The following TUSC3 variants were observed in gnomAD, a reference collection of about 807,000 sequenced individuals.
TUSC3 encodes dolichyl-diphosphooligosaccharide--protein glycosyltransferase subunit TUSC3.
TUSC3 carries 45 observed loss-of-function variants against 44.8 expected under a neutral mutation model. That is an observed-to-expected ratio of 1.00 (90% CI 0.79 to 1.29). The LOEUF is 1.29. TUSC3 is among the 50% of genes most tolerant of loss of function. The probability of loss-of-function intolerance (pLI) is 0.00; values close to 1 mark genes in which losing one functional copy is unlikely to be tolerated. For synonymous variants in TUSC3, 212 were observed against 152.9 expected, an observed-to-expected ratio of 1.39 and a Z score of -2.85; for missense variants, 519 against 437.9, an observed-to-expected ratio of 1.19 and a Z score of -1.65.
chr8:15,421,329 T>G (rs1048541200), intron 1 of TUSC3, among the ~76,000 whole-genome samples: 1 of 152,116 alleles, frequency 6.6e-6, no homozygotes, highest in Non-Finnish European at 1.5e-5. Context: ...TTTCTACTAC[T>G]CTGAATTTAT....
At chr8:15,828,304 T>G in the TUSC3 span, among the ~76,000 whole-genome samples, 1 of 152,204 alleles carries the variant, frequency 6.6e-6, no homozygotes, top group Non-Finnish European at 1.5e-5. Context: ...CAATATAATT[T>G]TTTTAATCTA....
At chr8:15,668,632 T>C (rs539395013) in intron 5 of TUSC3, among the ~76,000 whole-genome samples, 3 of 151,872 alleles carry the variant, frequency 2.0e-5, no homozygotes, top group Non-Finnish European at 4.4e-5. Flanking sequence ...AAGATGGTAT[T>C]ATTTGTGACT....
rs968318293 is a variant in TUSC3 at position 15,719,821 on chromosome 8, C to T, written c.799-10845C>T. Among the ~76,000 whole-genome samples, 4 of 152,038 alleles carry T rather than the reference C, an allele frequency of 2.6e-5. 1 individual carries two copies. Among genetic ancestry groups the T allele is most frequent in the African/African-American group, 7.2e-5 (3 of 41,406 alleles). On this transcript the variant is annotated intron_variant, in intron 6 of 10. Transcript: ENST00000503731. The stretch of plus-strand genomic sequence containing the variant: ...CCTAAATAAAAAGCTCAATTCTACA[C>T]AGAATTCAAGCCTCGCAGCCTGGTA...
At chr8:15,803,619 C>A in the TUSC3 span, among the ~76,000 whole-genome samples, 4 of 152,120 alleles carry the variant, frequency 2.6e-5, no homozygotes, top group African/African-American at 9.7e-5. Flanking sequence ...TGGGTATACA[C>A]CTGCCATGGT....
the TUSC3 span, among the ~76,000 whole-genome samples, chr8:15,777,405 T>C: frequency 6.6e-6 from 1 of 152,146 alleles, no homozygotes; most frequent in African/African-American, 2.4e-5. Flanking sequence ...GGGAGATTTA[T>C]CATATCTTGG....
At chr8:15,840,074 G>A in the TUSC3 span, among the ~76,000 whole-genome samples, 1 of 152,160 alleles carries the variant, frequency 6.6e-6, no homozygotes, top group African/African-American at 2.4e-5. Context: ...CATGTCCTTT[G>A]TAGGGACATG....
At chr8:15,820,711 C>T in the TUSC3 span, among the ~76,000 whole-genome samples, 1 of 152,098 alleles carries the variant, frequency 6.6e-6, no homozygotes, top group South Asian at 2.1e-4. Flanking sequence ...TGCACTCTTC[C>T]TATTTTCTGA....
At chr8:15,702,049 G>A (rs534848740) in intron 6 of TUSC3, among the ~76,000 whole-genome samples, 1 of 152,230 alleles carries the variant, frequency 6.6e-6, no homozygotes, top group Admixed American at 6.5e-5. Context: ...CAAGGTAATG[G>A]AAATGGGACG....
chr8:15,443,326 A>C (rs1800045069), intron 1 of TUSC3, among the ~76,000 whole-genome samples: 1 of 141,708 alleles, frequency 7.1e-6, no homozygotes, highest in African/African-American at 2.7e-5. Flanking sequence ...ACAACACCAC[A>C]CCCACCTAAT....
chr8:15,556,226 A>T (rs1802258975), intron 1 of TUSC3, among the ~76,000 whole-genome samples: 1 of 138,318 alleles, frequency 7.2e-6, no homozygotes, highest in Non-Finnish European at 1.5e-5. Flanking sequence ...CTCATTGTTC[A>T]GTCCCCACCT....
intron 5 of TUSC3, among the ~76,000 whole-genome samples, chr8:15,665,121 A>T (rs979226199): frequency 6.6e-6 from 1 of 151,646 alleles, no homozygotes; most frequent in Non-Finnish European, 1.5e-5. Context: ...AAAAAAATGT[A>T]TATTTTTAAA....
intron 1 of TUSC3, among the ~76,000 whole-genome samples, chr8:15,584,547 A>C (rs977590175): frequency 1.3e-5 from 2 of 152,240 alleles, no homozygotes; most frequent in Admixed American, 6.5e-5. Flanking sequence ...GTGCTATGAT[A>C]GAGCCACTTT....
At chr8:15,775,881 T>A in the TUSC3 span, among the ~76,000 whole-genome samples, 1 of 151,316 alleles carries the variant, frequency 6.6e-6, no homozygotes, top group Non-Finnish European at 1.5e-5. Context: ...GCAAGATGCT[T>A]ATTAGTGTGG....
chr8:15,467,916 A>T (rs1328453712), intron 1 of TUSC3, among the ~76,000 whole-genome samples: 1 of 152,184 alleles, frequency 6.6e-6, no homozygotes. Context: ...TAAAATAAGC[A>T]TTTAACTTTA....
intron 1 of TUSC3, among the ~76,000 whole-genome samples, chr8:15,464,211 G>A (rs1800385870): frequency 6.6e-6 from 1 of 152,142 alleles, no homozygotes; most frequent in African/African-American, 2.4e-5. Context: ...AGAGCAAATA[G>A]CGAGTGACTA....
chr8:15,554,669 T>G (rs1032933108), intron 1 of TUSC3, among the ~76,000 whole-genome samples: 21 of 148,202 alleles, frequency 1.4e-4, no homozygotes, highest in Middle Eastern at 3.6e-3. Context: ...GTGGCGTGAT[T>G]TCAGCTCACT....
intron 3 of TUSC3, 49 bp downstream of exon 3, chr8:15,650,863 G>A (rs760998731): frequency 5.1e-6 from 8 of 1,570,972 alleles, no homozygotes; most frequent in African/African-American, 4.1e-5. Context: ...GTTTGTGGTC[G>A]ATACATTTTT....
At chr8:15,442,127 T>C (rs372204027) in intron 1 of TUSC3, among the ~76,000 whole-genome samples, 1 of 152,162 alleles carries the variant, frequency 6.6e-6, no homozygotes, top group African/African-American at 2.4e-5. Context: ...TTAACTCTTT[T>C]ATGGATTTAG....
At chr8:15,587,595 G>A (rs1461786008) in intron 1 of TUSC3, among the ~76,000 whole-genome samples, 7 of 152,002 alleles carry the variant, frequency 4.6e-5, no homozygotes, top group Non-Finnish European at 1.0e-4. Context: ...CTCTCTTCTA[G>A]GTCTTTGAAC....
Sources: gnomAD v4.1 joint callset for allele counts (sites outside exome capture counted in the v4.1 genomes callset) on GRCh38, gnomAD v4.1.1 for gene constraint, MANE v1.5 for transcripts, NCBI Gene and HGNC (gene_info 2026-07-23, HGNC 2026-07-21) for gene names.